Variants in CADM1 observed in about 807,000 individuals in gnomAD.
CADM1 encodes TSLC-1.
A neutral mutation model predicts 53.1 loss-of-function variants in CADM1; 15 were observed. That is an observed-to-expected ratio of 0.28 (90% CI 0.19 to 0.44). The LOEUF (loss-of-function observed/expected upper bound fraction) is 0.44, where lower values mean the gene tolerates loss of function less well. Among genes scored for constraint, CADM1 ranks in the 20% least tolerant of loss-of-function variants. The pLI is 1.00. For synonymous variants in CADM1, 281 were observed against 243.0 expected (o/e 1.16, Z -1.45); for missense variants, 434 against 611.3 (o/e 0.71, Z 3.06).
At chr11:115,409,649 T>TC (rs1325194729) in intron 1 of CADM1, among the ~76,000 whole-genome samples, 2 of 151,240 alleles carry the variant, frequency 1.3e-5, no homozygotes, top group African/African-American at 2.4e-5. Context: ...GTCAAAATAA[T>TC]CCACGGAGAA....
chr11:115,349,807 T>C (rs768471160), intron 1 of CADM1, among the ~76,000 whole-genome samples: 4 of 152,152 alleles, frequency 2.6e-5, no homozygotes, highest in Non-Finnish European at 5.9e-5. Context: ...TCTAGGTCCC[T>C]CCATTAGAGG....
At chr11:115,338,895 T>TA (rs1251242399) in intron 1 of CADM1, among the ~76,000 whole-genome samples, 45 of 65,166 alleles carry the variant, frequency 6.9e-4, no homozygotes, top group African/African-American at 1.8e-3. Context: ...TTTTTTAATT[T>TA]TTTTTTTTTT....
At chr11:115,286,841 T>C (rs565108438) in intron 1 of CADM1, among the ~76,000 whole-genome samples, 1 of 152,248 alleles carries the variant, frequency 6.6e-6, no homozygotes, top group South Asian at 2.1e-4. Flanking sequence ...GCACCTCCTG[T>C]CACATCACTA....
In CADM1 at chr11:115,170,119, C is replaced by A. The variant is rs1477753226; in HGVS notation, c.*6355G>T. The A allele has an allele frequency of 6.4e-6, 1 of 156,596 alleles. No homozygotes were observed. Among genetic ancestry groups the A allele is most frequent in the African/African-American group, 2.4e-5 (1 of 41,488 alleles). The allele number at this position is 156,596 out of a possible 1,614,324, so 9.7% of individuals were successfully genotyped here. ...GTGATTAATTAACCTGAGAAGATAG[C>A]ACTTAAGGAAGATTTGAGGCGGTCA... is the stretch of plus-strand genomic sequence containing the variant. On this transcript the variant is annotated 3_prime_UTR_variant, in exon 12 of 12. Coordinates refer to ENST00000331581, the MANE Select transcript of CADM1 (RefSeq NM_001301043.2).
chr11:115,476,607 G>C (rs1006845440), intron 1 of CADM1, among the ~76,000 whole-genome samples: 3 of 152,118 alleles, frequency 2.0e-5, no homozygotes, highest in Non-Finnish European at 4.4e-5. Context: ...ATTCTGTAGG[G>C]CATAATTTAC....
chr11:115,462,784 T>G (rs1948823826), intron 1 of CADM1, among the ~76,000 whole-genome samples: 1 of 152,138 alleles, frequency 6.6e-6, no homozygotes, highest in African/African-American at 2.4e-5. Context: ...GCAGGAAGGT[T>G]TAAGAGAGGC....
chr11:115,301,792 G>C (rs986504426), intron 1 of CADM1, among the ~76,000 whole-genome samples: 18 of 151,944 alleles, frequency 1.2e-4, no homozygotes, highest in Non-Finnish European at 1.5e-5. Flanking sequence ...CAGTAAAAAA[G>C]AGATAACAGT....
intron 1 of CADM1, among the ~76,000 whole-genome samples, chr11:115,355,630 AAGAG>A (rs974282488): frequency 6.6e-6 from 1 of 152,102 alleles, no homozygotes; most frequent in African/African-American, 2.4e-5. Flanking sequence ...AGGTATAAAA[AAGAG>A]AGAGAGATCA....
intron 1 of CADM1, among the ~76,000 whole-genome samples, chr11:115,265,861 A>G (rs1403471999): frequency 2.6e-5 from 4 of 152,308 alleles, no homozygotes; most frequent in African/African-American, 9.6e-5. Context: ...TTGTTAATCA[A>G]TGAAATGGAT....
At chr11:115,472,465 G>T (rs980872238) in intron 1 of CADM1, among the ~76,000 whole-genome samples, 1 of 152,266 alleles carries the variant, frequency 6.6e-6, no homozygotes, top group Non-Finnish European at 1.5e-5. Context: ...GGGTGTGTGT[G>T]TGAGAGAGAG....
Position 115,324,559 on chromosome 11 carries a change from G to A in CADM1, c.125-84139C>T, listed in dbSNP as rs147371486. 2.1e-4 allele frequency among the ~76,000 whole-genome samples: 32 copies of A among 152,226 alleles called. No individual in the cohort carries two copies. In the East Asian group the frequency reaches 5.8e-3, roughly 28 times the overall value. The stretch of plus-strand genomic sequence containing the variant: ...ACAGAGACCTTAAAAAGCAATTAAG[G>A]GTGAGGAATCTCCTGCCAAACAGCT... On this transcript the variant is annotated intron_variant, in intron 1 of 11. Transcript: ENST00000331581.
In CADM1 at chr11:115,218,104, T is replaced by C. The variant is rs927619192; in HGVS notation, c.722-113A>G. On this transcript the variant is annotated intron_variant, in intron 5 of 11. Coordinates refer to ENST00000331581, the MANE Select transcript of CADM1 (RefSeq NM_001301043.2). The stretch of plus-strand genomic sequence containing the variant: ...CCAGCACTTACTCTCTCCCATCCGA[T>C]GCCTTCAGTAACACCCTTCTAATTA... 1.9e-5 allele frequency: 14 copies of C among 726,302 alleles called. No homozygotes were observed. In the East Asian group the frequency reaches 2.1e-4, roughly 11 times the overall value. The allele number at this position is 726,302 out of a possible 1,614,324, so 45.0% of individuals were successfully genotyped here.
chr11:115,317,694 A>C (rs1944704945), intron 1 of CADM1, among the ~76,000 whole-genome samples: 1 of 152,174 alleles, frequency 6.6e-6, no homozygotes, highest in Non-Finnish European at 1.5e-5. Flanking sequence ...CCACCACATG[A>C]ACCAATCATC....
rs902796049 is a variant in CADM1, at chr11:115,313,684, C to T, written c.125-73264G>A. 7.2e-5 allele frequency among the ~76,000 whole-genome samples: 11 copies of T among 152,148 alleles called. No individual in the cohort carries two copies. The East Asian group carries it at 9.6e-4, about 13-fold the overall frequency. Reference sequence around the variant, plus strand: ...CTGCATTTCCTGGTCTTCCCTGAAGCGGGGTCAGCCAGGCGACTAAGTTCT... The same window carrying T: ...CTGCATTTCCTGGTCTTCCCTGAAGTGGGGTCAGCCAGGCGACTAAGTTCT... On this transcript the variant is annotated intron_variant, in intron 1 of 11. Transcript: ENST00000331581.
intron 1 of CADM1, among the ~76,000 whole-genome samples, chr11:115,357,710 T>C (rs1945913925): frequency 6.6e-6 from 1 of 152,224 alleles, no homozygotes; most frequent in Non-Finnish European, 1.5e-5. Flanking sequence ...ATATGGCAAG[T>C]GCTCAGTCAA....
chr11:115,312,942 TCAGA>T (rs992464182), intron 1 of CADM1, among the ~76,000 whole-genome samples: 6 of 151,798 alleles, frequency 4.0e-5, no homozygotes, highest in African/African-American at 1.5e-4. Flanking sequence ...GAGCAGAAAA[TCAGA>T]CAATGTTTCT....
At chr11:115,267,293 T>G (rs181530216) in intron 1 of CADM1, among the ~76,000 whole-genome samples, 14 of 152,364 alleles carry the variant, frequency 9.2e-5, no homozygotes, top group Non-Finnish European at 5.9e-5. Flanking sequence ...AGACAAACTT[T>G]CGATTTGTTT....
At chr11:115,422,700 T>C (rs1396854474) in intron 1 of CADM1, among the ~76,000 whole-genome samples, 1 of 152,222 alleles carries the variant, frequency 6.6e-6, no homozygotes, top group Non-Finnish European at 1.5e-5. Flanking sequence ...GATAGTTCGC[T>C]GTGCCCTTTG....
intron 1 of CADM1, among the ~76,000 whole-genome samples, chr11:115,384,571 A>G (rs1157224195): frequency 6.6e-6 from 1 of 152,224 alleles, no homozygotes; most frequent in Non-Finnish European, 1.5e-5. Context: ...GCTTACTGCT[A>G]CATTTTAAAA....
Sources: allele counts gnomAD v4.1 joint callset (sites outside exome capture counted in the v4.1 genomes callset), GRCh38; gene constraint gnomAD v4.1.1; transcripts MANE v1.5; gene names NCBI Gene and HGNC (gene_info 2026-07-23, HGNC 2026-07-21).